The following COL14A1 variants were observed in gnomAD, a reference collection of about 807,000 sequenced individuals.
COL14A1 encodes the protein collagen alpha-1(XIV) chain.
COL14A1 carries 136 observed loss-of-function variants against 230.3 expected under a neutral mutation model. That is an observed-to-expected ratio of 0.59 (90% CI 0.51 to 0.68). The LOEUF (loss-of-function observed/expected upper bound fraction) is 0.68. Ranked by LOEUF, COL14A1 falls within the 30% of genes least tolerant of loss-of-function variation. The probability of loss-of-function intolerance (pLI) is 0.00; values close to 1 mark genes in which losing one functional copy is unlikely to be tolerated. For synonymous variants in COL14A1, 792 were observed against 784.1 expected (o/e 1.01, Z -0.17); for missense variants, 1,976 against 2,215.8 (o/e 0.89, Z 2.17).
intron 22 of COL14A1, 113 bp from the exon 23 acceptor site, chr8:120,255,127 C>A: frequency 1.3e-6 from 1 of 770,572 alleles, no homozygotes; most frequent in Non-Finnish European, 2.3e-6. Context: ...ATGGATTTCC[C>A]AGCTCTGACT....
chr8:120,348,985 C>T (rs1822643896), intron 45 of COL14A1, among the ~76,000 whole-genome samples: 1 of 152,192 alleles, frequency 6.6e-6, no homozygotes, highest in African/African-American at 2.4e-5. Context: ...CCTAATGTCC[C>T]TGTCTGACAG....
intron 5 of COL14A1, among the ~76,000 whole-genome samples, chr8:120,173,049 G>T (rs1008853734): frequency 3.3e-5 from 5 of 152,132 alleles, no homozygotes; most frequent in African/African-American, 1.2e-4. Context: ...ATTCTTGCCT[G>T]AGTCAGTAAC....
chr8:120,267,046 ATCCAT>A, intron 25 of COL14A1, 163 bp downstream of exon 25: 1 of 603,538 alleles, frequency 1.7e-6, no homozygotes, highest in Non-Finnish European at 2.9e-6. Context: ...CTTGAATGAT[ATCCAT>A]TTAATATCAA....
chr8:120,293,691 A>G (rs1820439837), intron 34 of COL14A1, among the ~76,000 whole-genome samples: 1 of 151,888 alleles, frequency 6.6e-6, no homozygotes, highest in African/African-American at 2.4e-5. Flanking sequence ...TAATTATAGA[A>G]TAAAGGCAGA....
rs398009611 is a variant in COL14A1, at chr8:120,298,638, T to TATATAC, written c.4314+1051_4314+1052insTATACA. On this transcript the variant is annotated intron_variant, in intron 35 of 47. Transcript: ENST00000297848. ...ATATATATATATATATATATATATATACAAAAATACAGATTTATATCTTAG... is the reference window on the plus strand; with the variant it reads ...ATATATATATATATATATATATATATATATACACAAAAATACAGATTTATATCTTAG... Among the ~76,000 whole-genome samples the TATATAC allele has an allele frequency of 6.3e-3, 744 of 118,790 alleles. 11 individuals carry two copies. Among genetic ancestry groups the TATATAC allele is most frequent in the Non-Finnish European group, 8.4e-3 (476 of 56,706 alleles). 77.9% of individuals were successfully genotyped at this position (118,790 alleles called of 152,430 possible). A position where few individuals can be genotyped will look rare whatever the true frequency, so the allele number is the denominator to read the frequency against.
At chr8:120,148,432 A>G (rs1033695003) in intron 2 of COL14A1, among the ~76,000 whole-genome samples, 2 of 152,184 alleles carry the variant, frequency 1.3e-5, no homozygotes, top group African/African-American at 4.8e-5. Flanking sequence ...TGCCTGGCCT[A>G]TTCTTAAAGT....
rs532213392 is a variant in COL14A1, at chr8:120,144,392, A to G, written c.-37-3414A>G. On this transcript the variant is annotated intron_variant, in intron 1 of 47. Coordinates refer to ENST00000297848, the MANE Select transcript of COL14A1 (RefSeq NM_021110.4). ...TGAATTATTTCTATATTTCAAAGAT[A>G]GATTAATGCTAGACATATCAAAATA... 2.6e-4 allele frequency among the ~76,000 whole-genome samples: 39 copies of G among 152,334 alleles called. No individual in the cohort carries two copies. The East Asian group carries it at 4.2e-3, about 17-fold the overall frequency.
intron 24 of COL14A1, among the ~76,000 whole-genome samples, chr8:120,264,129 C>T (rs1410651706): frequency 6.6e-6 from 1 of 152,140 alleles, no homozygotes; most frequent in African/African-American, 2.4e-5. Flanking sequence ...GATCTCCTTT[C>T]CCACCCTGAG....
chr8:120,239,394 C>G (rs1395500508), intron 19 of COL14A1, among the ~76,000 whole-genome samples: 2 of 152,168 alleles, frequency 1.3e-5, no homozygotes, highest in East Asian at 1.9e-4. Context: ...ACTCAAAAAG[C>G]CTTCAATGGG....
At chr8:120,197,210 G>T (rs533399366) in intron 6 of COL14A1, among the ~76,000 whole-genome samples, 10 of 152,140 alleles carry the variant, frequency 6.6e-5, no homozygotes, top group African/African-American at 2.4e-4. Context: ...GTTACAGCTG[G>T]TTTAAGAATT....
intron 12 of COL14A1, among the ~76,000 whole-genome samples, chr8:120,211,009 C>T (rs947357829): frequency 2.0e-5 from 3 of 151,776 alleles, no homozygotes; most frequent in Non-Finnish European, 2.9e-5. Flanking sequence ...AATAGATTAG[C>T]AAAAAAATTT....
rs113255132 is a variant in COL14A1 at position 120,273,617 on chromosome 8, C to T, written c.3213+3443C>T. Among the ~76,000 whole-genome samples, 796 of 151,428 alleles carry T rather than the reference C, an allele frequency of 5.3e-3. 5 individuals are homozygous for T. Among genetic ancestry groups the T allele is most frequent in the African/African-American group, 0.018 (730 of 41,428 alleles). On this transcript the variant is annotated intron_variant, in intron 26 of 47. Coordinates refer to ENST00000297848, the MANE Select transcript of COL14A1 (RefSeq NM_021110.4). The stretch of plus-strand genomic sequence containing the variant: ...GAAATGAAAATAGAGACATTACAAC[C>T]AACACCACAGAAATGCAAAAGATTA...
intron 22 of COL14A1, among the ~76,000 whole-genome samples, chr8:120,252,010 T>C (rs1007951600): frequency 6.6e-6 from 1 of 151,810 alleles, no homozygotes; most frequent in African/African-American, 2.4e-5. Flanking sequence ...TCTAGCTTTA[T>C]TGAGGTATAA....
chr8:120,207,764 TTC>T (rs1207552160), intron 10 of COL14A1, among the ~76,000 whole-genome samples: 1 of 152,104 alleles, frequency 6.6e-6, no homozygotes, highest in African/African-American at 2.4e-5. Context: ...TTTCACAATG[TTC>T]TGTGTTATGG....
At chr8:120,186,227 A>T (rs1041872524) in intron 5 of COL14A1, among the ~76,000 whole-genome samples, 1 of 152,210 alleles carries the variant, frequency 6.6e-6, no homozygotes, top group African/African-American at 2.4e-5. Context: ...TTTTTATAAA[A>T]ATATCTTCAG....
chr8:120,256,162 T>G (rs1456647601), intron 23 of COL14A1, among the ~76,000 whole-genome samples: 1 of 152,202 alleles, frequency 6.6e-6, no homozygotes, highest in Non-Finnish European at 1.5e-5. Context: ...TCCCAAATGA[T>G]TTTTTAAAAT....
intron 4 of COL14A1, 88 bp from the exon 5 acceptor site, chr8:120,168,073 G>C: frequency 1.2e-6 from 1 of 824,678 alleles, no homozygotes; most frequent in Non-Finnish European, 1.9e-6. Context: ...GATACTTTTA[G>C]GGCTTTCAAG....
intron 33 of COL14A1, among the ~76,000 whole-genome samples, chr8:120,289,129 T>C (rs1289540459): frequency 1.3e-5 from 2 of 152,166 alleles, no homozygotes; most frequent in Admixed American, 6.5e-5. Context: ...GCATTCCTTC[T>C]TCCCCCTCAG....
chr8:120,345,359 A>G lies in COL14A1; in HGVS notation c.4889-16A>G. ...TGACAGTTCACTGAATGCTGTCTTT[A>G]TGCTTCATACCTCAGGTCACATGGC... On this transcript the variant is annotated splice_polypyrimidine_tract_variant and intron_variant, in intron 44 of 47. Coordinates refer to ENST00000297848, the MANE Select transcript of COL14A1 (RefSeq NM_021110.4). The G allele has an allele frequency of 6.5e-7, 1 of 1,546,736 alleles. No homozygotes were observed. Among genetic ancestry groups the G allele is most frequent in the Non-Finnish European group, 8.7e-7 (1 of 1,155,772 alleles).
Sources: allele counts gnomAD v4.1 joint callset (sites outside exome capture counted in the v4.1 genomes callset), GRCh38; gene constraint gnomAD v4.1.1; transcripts MANE v1.5; gene names NCBI Gene and HGNC (gene_info 2026-07-23, HGNC 2026-07-21).